MARCHF1: variants seen among roughly 807,000 people sequenced by gnomAD.
MARCHF1 encodes E3 ubiquitin-protein ligase MARCHF1.
MARCHF1 carries 40 observed loss-of-function variants against 54.2 expected under a neutral mutation model. The observed-to-expected ratio is 0.74, with a 90% CI of 0.57 to 0.96. The LOEUF is 0.96. Among genes scored for constraint, MARCHF1 ranks in the 40% least tolerant of loss-of-function variants. The pLI is 0.00. For synonymous variants in MARCHF1, 236 were observed against 236.3 expected (o/e 1.00, Z 0.01); for missense variants, 586 against 656.5 (o/e 0.89, Z 1.17).
At position 163,612,917 on chromosome 4, in the gene MARCHF1, T is replaced by G; in HGVS notation, c.364A>C (p.Arg122=). The G allele has an allele frequency of 1.3e-6, 2 of 1,535,480 alleles. No individual in the cohort carries two copies. Among genetic ancestry groups the G allele is most frequent in the Non-Finnish European group, 8.7e-7 (1 of 1,146,506 alleles). The change falls in exon 7 of 10, where the codon AGA becomes CGA. Residue 122 remains arginine, a synonymous_variant. Coordinates refer to ENST00000514618, the MANE Select transcript of MARCHF1 (RefSeq NM_001394959.1). ...KSVIQRPRRR[R]KASERYEHAA... ...TGCTCATATCTCTCAGAGGCTTTTC[T>G]CCTCCTCCTAGGTCTTTGTATTACT... is the stretch of plus-strand genomic sequence containing the variant.
intron 4 of MARCHF1, among the ~76,000 whole-genome samples, chr4:163,821,187 C>G (rs1228595718): frequency 6.6e-6 from 1 of 151,948 alleles, no homozygotes; most frequent in African/African-American, 2.4e-5. Context: ...TTCCCTCCCT[C>G]CATTGCTCAA....
At chr4:163,793,849 C>G (rs1747837528) in intron 4 of MARCHF1, among the ~76,000 whole-genome samples, 1 of 152,142 alleles carries the variant, frequency 6.6e-6, no homozygotes, top group Admixed American at 6.5e-5. Flanking sequence ...TGCAGACCCC[C>G]TTAGAGCTGT....
intron 1 of MARCHF1, among the ~76,000 whole-genome samples, chr4:164,133,763 G>C (rs1207947143): frequency 6.6e-6 from 1 of 152,124 alleles, no homozygotes; most frequent in Non-Finnish European, 1.5e-5. Context: ...GATCTCAGCA[G>C]TGGGCACTGC....
intron 5 of MARCHF1, among the ~76,000 whole-genome samples, chr4:163,651,525 CTTTTTTT>C (rs66848288): frequency 0.2 from 25,657 of 131,014 alleles, 2,739 homozygotes; most frequent in East Asian, 0.42. Context: ...AAGTACCATA[CTTTTTTT>C]TTTTTTTTTT....
At chr4:164,246,682 G>A (rs1732958791) in intron 1 of MARCHF1, among the ~76,000 whole-genome samples, 1 of 61,368 alleles carries the variant, frequency 1.6e-5, no homozygotes, top group Non-Finnish European at 3.7e-5. Context: ...CCTACAAAAT[G>A]GGAGAAAATT....
rs1560807930 is a variant in MARCHF1, at chr4:163,894,801, TATATATACATGCATGTGATGC to T, written c.-38-40653_-38-40633del. 4.7e-5 allele frequency among the ~76,000 whole-genome samples: 2 copies of T among 42,970 alleles called. 1 individual carries two copies. The highest frequency in any genetic ancestry group is 2.2e-4 in the African/African-American group (2 of 9,284). The allele number at this position is 42,970 out of a possible 152,430, so 28.2% of individuals were successfully genotyped here. ...CATATATATACATGCATGTGATGCA[TATATATACATGCATGTGATGC>T]ATATATATATGCATGTGATGCATAT... On this transcript the variant is annotated intron_variant, in intron 3 of 9. Coordinates refer to ENST00000514618, the MANE Select transcript of MARCHF1 (RefSeq NM_001394959.1).
intron 2 of MARCHF1, among the ~76,000 whole-genome samples, chr4:164,011,611 A>G (rs1407636080): frequency 6.6e-6 from 1 of 152,210 alleles, no homozygotes; most frequent in African/African-American, 2.4e-5. Context: ...TATATCAAAG[A>G]AACAGTTAAT....
intron 5 of MARCHF1, among the ~76,000 whole-genome samples, chr4:163,627,942 T>C (rs1288050256): frequency 6.6e-6 from 1 of 152,058 alleles, no homozygotes; most frequent in Non-Finnish European, 1.5e-5. Flanking sequence ...TTGAAATGAT[T>C]CATAGAACTA....
rs62334278 is a variant in MARCHF1 at position 163,612,615 on chromosome 4, C to T, written c.666G>A (p.Leu222=). The stretch of plus-strand genomic sequence containing the variant: ...TTAAAGAGCAACTCTCACATTCAAT[C>T]AGCTCTTGTTGCTCTTTACCTTTGG... ...LGSKGKEQQE[L]IECESCSLNL... is the part of the protein sequence containing the mutation. Residue 222 remains leucine (L), a synonymous_variant, in exon 7 of 10, where the codon CTG becomes CTA. Coordinates refer to ENST00000514618, the MANE Select transcript of MARCHF1 (RefSeq NM_001394959.1). 6.5e-7 allele frequency: 1 copy of T among 1,535,596 alleles called. No homozygotes were observed. Among genetic ancestry groups the T allele is most frequent in the Non-Finnish European group, 8.7e-7 (1 of 1,146,550 alleles).
chr4:164,278,112 A>G (rs1296144706), intron 1 of MARCHF1, among the ~76,000 whole-genome samples: 1 of 152,176 alleles, frequency 6.6e-6, no homozygotes, highest in Non-Finnish European at 1.5e-5. Context: ...GAAATTCCAG[A>G]CCAGCCTGAG....
chr4:163,825,187 T>A (rs992083745), intron 4 of MARCHF1, among the ~76,000 whole-genome samples: 1 of 152,046 alleles, frequency 6.6e-6, no homozygotes, highest in Non-Finnish European at 1.5e-5. Context: ...AGTGAGAACA[T>A]GCTGCGTTTG....
intron 3 of MARCHF1, among the ~76,000 whole-genome samples, chr4:163,872,975 C>T (rs528571202): frequency 7.9e-5 from 12 of 151,952 alleles, no homozygotes; most frequent in Non-Finnish European, 1.8e-4. Flanking sequence ...ACCCTGGAGG[C>T]GGAGCTTGCA....
At chr4:164,040,138 A>T (rs1428114507) in intron 2 of MARCHF1, among the ~76,000 whole-genome samples, 1 of 145,100 alleles carries the variant, frequency 6.9e-6, no homozygotes, top group Non-Finnish European at 1.5e-5. Context: ...AAAATATTTT[A>T]TATCCATAAT....
At chr4:163,532,845 AAG>A (rs1384811514) in intron 9 of MARCHF1, among the ~76,000 whole-genome samples, 1 of 151,972 alleles carries the variant, frequency 6.6e-6, no homozygotes, top group African/African-American at 2.4e-5. Context: ...AGTTTTAAAA[AAG>A]AACACTGAAA....
chr4:164,052,855 G>C lies in MARCHF1; in HGVS notation c.-248+58733C>G, dbSNP rs140505677. 2.6e-5 allele frequency among the ~76,000 whole-genome samples: 4 copies of C among 152,124 alleles called. No homozygotes were observed. In the East Asian group the frequency reaches 7.7e-4, roughly 29 times the overall value. ...AAAAGTAATTAGGAGACTTAGAATC[G>C]AGGTATTTATACCTCGATTATCTTA... On this transcript the variant is annotated intron_variant, in intron 2 of 9. Transcript: ENST00000514618.
At chr4:164,236,049 T>G (rs933420958) in intron 1 of MARCHF1, among the ~76,000 whole-genome samples, 2 of 152,110 alleles carry the variant, frequency 1.3e-5, no homozygotes, top group East Asian at 3.9e-4. Flanking sequence ...ATACTCTCAA[T>G]AGAATCTTCC....
At chr4:164,188,993 G>T in intron 1 of MARCHF1, 2 of 710,576 alleles carry the variant, frequency 2.8e-6, no homozygotes, top group South Asian at 3.2e-5. Flanking sequence ...TATGGCAGCT[G>T]CTATTGGTTA....
At chr4:164,244,541 G>A (rs201267251) in intron 1 of MARCHF1, among the ~76,000 whole-genome samples, 53,104 of 122,376 alleles carry the variant, frequency 0.43, 12,896 homozygotes, top group Non-Finnish European at 0.6. Flanking sequence ...CATCACAATT[G>A]AAAGAACTAG....
intron 9 of MARCHF1, among the ~76,000 whole-genome samples, chr4:163,531,673 T>C (rs1738357637): frequency 6.6e-6 from 1 of 151,916 alleles, no homozygotes; most frequent in African/African-American, 2.4e-5. Flanking sequence ...GATATGATTA[T>C]GTATAAAATC....
Sources: gnomAD v4.1 joint callset for allele counts (sites outside exome capture counted in the v4.1 genomes callset) on GRCh38, gnomAD v4.1.1 for gene constraint, MANE v1.5 for transcripts, NCBI Gene and HGNC (gene_info 2026-07-23, HGNC 2026-07-21) for gene names.